Variants in ADCY2 observed in about 807,000 individuals in gnomAD.
ADCY2 encodes adenylate cyclase 2, also known as adenylate cyclase type 2.
In ADCY2, 31 loss-of-function variants were observed where a neutral mutation model predicts 125.2. The observed-to-expected ratio is 0.25, with a 90% CI of 0.19 to 0.33. The LOEUF (loss-of-function observed/expected upper bound fraction) is 0.33. Among genes scored for constraint, ADCY2 ranks in the 10% least tolerant of loss-of-function variants. The pLI, the probability that ADCY2 is intolerant of heterozygous loss-of-function variation, is 1.00. For missense variants in ADCY2, 904 were observed against 1,418.2 expected (o/e 0.64, Z 5.82); for synonymous variants, 512 against 548.4 (o/e 0.93, Z 0.93).
At chr5:7,660,238 GAGAA>G (rs760373378) in intron 4 of ADCY2, among the ~76,000 whole-genome samples, 18 of 94,638 alleles carry the variant, frequency 1.9e-4, no homozygotes, top group Admixed American at 9.8e-4. Context: ...GAGGGAGGGA[GAGAA>G]GGAAGGAAGG....
intron 2 of ADCY2, among the ~76,000 whole-genome samples, chr5:7,471,305 G>C (rs563061341): frequency 6.6e-6 from 1 of 151,740 alleles, no homozygotes; most frequent in African/African-American, 2.4e-5. Flanking sequence ...TTTTCTATTT[G>C]TTCTTTATGT....
intron 4 of ADCY2, among the ~76,000 whole-genome samples, chr5:7,658,845 G>A (rs144297183): frequency 9.7e-4 from 147 of 152,302 alleles, no homozygotes; most frequent in African/African-American, 3.4e-3. Context: ...GTTCACTGCA[G>A]TATTCCTTCT....
At chr5:7,725,893 C>T (rs1008292419) in intron 13 of ADCY2, among the ~76,000 whole-genome samples, 2 of 152,198 alleles carry the variant, frequency 1.3e-5, no homozygotes, top group African/African-American at 4.8e-5. Context: ...TGCAGCTTTA[C>T]ATTCCCCATG....
rs987844562 is a variant in ADCY2 at position 7,690,790 on chromosome 5, A to C, written c.820A>C (p.Asn274His). Residue 274 changes from asparagine (N) to histidine (H), a missense_variant, in exon 5 of 25, where the codon AAC becomes CAC. Transcript: ENST00000338316. ...GGGCCCCAAGGCGGGCCAGATGGAG[A>C]ACACAAATAACTTCCACAACCTGTA... The part of the protein sequence containing the change: ...LQGPKAGQME[N>H]TNNFHNLYVK... 6.2e-7 allele frequency: 1 copy of C among 1,608,932 alleles called. No individual in the cohort carries two copies.
chr5:7,430,511 C>G (rs1467039370), intron 2 of ADCY2, among the ~76,000 whole-genome samples: 1 of 138,716 alleles, frequency 7.2e-6, no homozygotes, highest in East Asian at 2.0e-4. Flanking sequence ...TATATATGTT[C>G]ATGTGTGTAT....
intron 3 of ADCY2, among the ~76,000 whole-genome samples, chr5:7,547,395 A>T (rs1735179364): frequency 6.6e-6 from 1 of 152,140 alleles, no homozygotes; most frequent in Non-Finnish European, 1.5e-5. Context: ...AGAGGCCCTA[A>T]TGCAGTCCAG....
chr5:7,666,716 C>A lies in ADCY2; in HGVS notation c.721-23975C>A, dbSNP rs114709248. Among the ~76,000 whole-genome samples, 764 of 152,336 alleles carry A rather than the reference C, an allele frequency of 5.0e-3. 6 individuals carry two copies. Among genetic ancestry groups the A allele is most frequent in the African/African-American group, 0.017 (715 of 41,586 alleles). On this transcript the variant is annotated intron_variant, in intron 4 of 24. Coordinates refer to ENST00000338316, the MANE Select transcript of ADCY2 (RefSeq NM_020546.3). ...CTCAGCTCTTTCCCACATGGGGCCT[C>A]AGTGCCAGTGCTGGCGGTGCCTACG...
chr5:7,567,220 C>A (rs1735921342), intron 3 of ADCY2, among the ~76,000 whole-genome samples: 1 of 152,048 alleles, frequency 6.6e-6, no homozygotes, highest in African/African-American at 2.4e-5. Flanking sequence ...ACTGTATTAT[C>A]TTTGAATTGA....
chr5:7,702,276 A>T (rs1280934148), intron 7 of ADCY2, among the ~76,000 whole-genome samples: 1 of 150,860 alleles, frequency 6.6e-6, no homozygotes, highest in Non-Finnish European at 1.5e-5. Context: ...ATGTGCACAA[A>T]GTACAGATTT....
intron 2 of ADCY2, among the ~76,000 whole-genome samples, chr5:7,480,712 T>A (rs1245012363): frequency 6.6e-6 from 1 of 151,516 alleles, no homozygotes; most frequent in Non-Finnish European, 1.5e-5. Context: ...GACACAAGTT[T>A]ACCTATATAA....
At chr5:7,538,732 A>G (rs1734897247) in intron 3 of ADCY2, among the ~76,000 whole-genome samples, 2 of 152,176 alleles carry the variant, frequency 1.3e-5, no homozygotes, top group Admixed American at 1.3e-4. Flanking sequence ...CAATTAGATC[A>G]ACAGTTAAAT....
chr5:7,701,222 A>G (rs1042718069), intron 7 of ADCY2, among the ~76,000 whole-genome samples: 3 of 152,120 alleles, frequency 2.0e-5, no homozygotes, highest in African/African-American at 7.2e-5. Flanking sequence ...TTAGTTGTGG[A>G]AAAGAGTCTT....
intron 20 of ADCY2, among the ~76,000 whole-genome samples, chr5:7,791,241 A>AT (rs550549872): frequency 6.0e-5 from 9 of 149,698 alleles, no homozygotes; most frequent in East Asian, 3.9e-4. Flanking sequence ...GGGTCCTGAG[A>AT]TTTTTTTTTT....
chr5:7,403,174 A>G (rs1425026255), intron 1 of ADCY2, among the ~76,000 whole-genome samples: 1 of 151,964 alleles, frequency 6.6e-6, no homozygotes, highest in Non-Finnish European at 1.5e-5. Context: ...TTTTAGGTAT[A>G]TAGAGAAAAA....
intron 2 of ADCY2, among the ~76,000 whole-genome samples, chr5:7,512,218 C>CAAAAAAAAAAAAA (rs57381383): frequency 0.026 from 1,479 of 57,778 alleles, 232 homozygotes; most frequent in East Asian, 0.095. Context: ...ATGACTCCAT[C>CAAAAAAAAAAAAA]AAAAAAAAAA....
At chr5:7,799,707 T>G (rs1196386139) in intron 20 of ADCY2, 7 of 152,274 alleles carry the variant, frequency 4.6e-5, no homozygotes, top group Non-Finnish European at 8.8e-5. Flanking sequence ...TAATCAAGGC[T>G]GAACAGCAGA....
chr5:7,577,625 A>G (rs28655598), intron 3 of ADCY2, among the ~76,000 whole-genome samples: 1,781 of 152,258 alleles, frequency 0.012, 34 homozygotes, highest in African/African-American at 0.04. Flanking sequence ...AGACTGTCTC[A>G]TGACATTTTA....
chr5:7,411,158 A>T (rs1254326080), intron 1 of ADCY2, among the ~76,000 whole-genome samples: 2 of 152,204 alleles, frequency 1.3e-5, no homozygotes, highest in Admixed American at 1.3e-4. Context: ...GCAGATACAG[A>T]ACAAATTGGT....
At chr5:7,399,096 A>G (rs1161526584) in intron 1 of ADCY2, among the ~76,000 whole-genome samples, 2 of 152,220 alleles carry the variant, frequency 1.3e-5, no homozygotes, top group Non-Finnish European at 2.9e-5. Flanking sequence ...ATGCTGGAGC[A>G]CTTTACTTGA....
Sources: allele counts gnomAD v4.1 joint callset (sites outside exome capture counted in the v4.1 genomes callset), GRCh38; gene constraint gnomAD v4.1.1; transcripts MANE v1.5; gene names NCBI Gene and HGNC (gene_info 2026-07-23, HGNC 2026-07-21).